The following ALK variants were observed in gnomAD, a reference collection of about 807,000 sequenced individuals.
ALK encodes the protein ALK tyrosine kinase receptor.
Under a neutral mutation model 163.1 loss-of-function variants are expected in ALK, and 74 were observed. The ratio of observed to expected loss-of-function variants is 0.45; its 90% CI spans 0.38 to 0.55. The LOEUF (loss-of-function observed/expected upper bound fraction) is 0.55. Among genes scored for constraint, ALK ranks in the 20% least tolerant of loss-of-function variants. ALK has a pLI of 0.00. For synonymous variants in ALK, 960 were observed against 843.2 expected (o/e 1.14, Z -2.40); for missense variants, 2,063 against 2,105.3 (o/e 0.98, Z 0.39).
intron 1 of ALK, among the ~76,000 whole-genome samples, chr2:29,829,894 T>C (rs1405863401): frequency 1.3e-5 from 2 of 152,348 alleles, no homozygotes; most frequent in East Asian, 3.9e-4. Context: ...GCAAACCCTA[T>C]GGGCTGTTGG....
At chr2:29,780,109 A>G (rs939183899) in intron 1 of ALK, among the ~76,000 whole-genome samples, 15 of 152,224 alleles carry the variant, frequency 9.9e-5, no homozygotes, top group African/African-American at 3.6e-4. Context: ...CGCAGACTGA[A>G]GATTATCAAT....
chr2:29,810,176 C>T (rs974170171), intron 1 of ALK, among the ~76,000 whole-genome samples: 2 of 152,106 alleles, frequency 1.3e-5, no homozygotes, highest in Non-Finnish European at 2.9e-5. Context: ...AATCCCAGCA[C>T]TTTGGGAGGC....
At chr2:29,703,403 G>A (rs532868269) in intron 2 of ALK, among the ~76,000 whole-genome samples, 19 of 152,318 alleles carry the variant, frequency 1.2e-4, no homozygotes, top group Middle Eastern at 3.4e-3. Flanking sequence ...CACAGGAATA[G>A]AGCACAAGAC....
At chr2:29,876,754 T>C (rs535721392) in intron 1 of ALK, among the ~76,000 whole-genome samples, 42 of 151,880 alleles carry the variant, frequency 2.8e-4, no homozygotes, top group African/African-American at 8.9e-4. Context: ...ATGATGATGG[T>C]GGTGATGGTG....
intron 4 of ALK, among the ~76,000 whole-genome samples, chr2:29,507,373 T>A (rs1440890187): frequency 6.6e-6 from 1 of 151,856 alleles, no homozygotes; most frequent in Non-Finnish European, 1.5e-5. Flanking sequence ...GGGTTGGAGG[T>A]AGGGGGAAGT....
chr2:29,695,459 T>G (rs1204669510), intron 2 of ALK, among the ~76,000 whole-genome samples: 2 of 152,162 alleles, frequency 1.3e-5, no homozygotes, highest in Non-Finnish European at 2.9e-5. Flanking sequence ...CACCTGTACA[T>G]TAGGCTGATA....
intron 8 of ALK, 22 bp from the exon 9 acceptor site, chr2:29,297,079 G>A: frequency 6.2e-7 from 1 of 1,614,138 alleles, no homozygotes. Context: ...AGAAGAGTCA[G>A]AGGACAAGGT....
chr2:29,750,785 C>T (rs1680343816), intron 1 of ALK, among the ~76,000 whole-genome samples: 1 of 151,140 alleles, frequency 6.6e-6, no homozygotes, highest in Admixed American at 6.6e-5. Context: ...ATGACAGAGG[C>T]CGGGCGTGGT....
chr2:29,677,129 G>C (rs1238314417), intron 3 of ALK, among the ~76,000 whole-genome samples: 1 of 150,726 alleles, frequency 6.6e-6, no homozygotes, highest in African/African-American at 2.4e-5. Context: ...TATGTTTTTA[G>C]TTCCCTCCCT....
At chr2:29,545,716 C>T (rs138340768) in intron 3 of ALK, among the ~76,000 whole-genome samples, 15 of 152,266 alleles carry the variant, frequency 9.9e-5, no homozygotes, top group African/African-American at 3.1e-4. Flanking sequence ...ACATGTATTG[C>T]TTTTCTGCAC....
intron 4 of ALK, among the ~76,000 whole-genome samples, chr2:29,447,733 C>T (rs1392499990): frequency 6.6e-6 from 1 of 152,194 alleles, no homozygotes; most frequent in African/African-American, 2.4e-5. Context: ...ATGGCACAGG[C>T]CCTCCAGGTA....
intron 3 of ALK, among the ~76,000 whole-genome samples, chr2:29,634,603 A>G (rs1219707457): frequency 6.6e-6 from 1 of 152,214 alleles, no homozygotes; most frequent in Admixed American, 6.5e-5. Flanking sequence ...CCAGAAAAGT[A>G]GATAGGGAGA....
At chr2:29,909,098 T>C (rs1667629007) in intron 1 of ALK, among the ~76,000 whole-genome samples, 1 of 152,210 alleles carries the variant, frequency 6.6e-6, no homozygotes, top group Non-Finnish European at 1.5e-5. Context: ...CAAGCTAGTA[T>C]GACCTAGATC....
chr2:29,354,466 G>A (rs1668193548), intron 5 of ALK, among the ~76,000 whole-genome samples: 1 of 152,180 alleles, frequency 6.6e-6, no homozygotes, highest in Non-Finnish European at 1.5e-5. Flanking sequence ...CTGGGGCCAA[G>A]GCAGCCCTTC....
chr2:29,888,264 A>ATTTTTTTTTTTTTTTT (rs1401782243), intron 1 of ALK, among the ~76,000 whole-genome samples: 1 of 142,288 alleles, frequency 7.0e-6, no homozygotes, highest in African/African-American at 2.7e-5. Context: ...TTTTTTTTAA[A>ATTTTTTTTTTTTTTTT]AAAAGGGAAA....
intron 4 of ALK, among the ~76,000 whole-genome samples, chr2:29,417,747 G>T (rs559871755): frequency 1.3e-5 from 2 of 152,252 alleles, no homozygotes; most frequent in Admixed American, 1.3e-4. Context: ...ACTTCCTCAG[G>T]GCTATCCCAT....
At chr2:29,383,973 T>A in intron 4 of ALK, 114 bp from the exon 5 acceptor site, 1 of 1,344,286 alleles carries the variant, frequency 7.4e-7, no homozygotes, top group Non-Finnish European at 1.1e-6. Flanking sequence ...ACATTCTTCA[T>A]GGGCACCAAG....
intron 1 of ALK, among the ~76,000 whole-genome samples, chr2:29,885,717 C>T (rs1048348271): frequency 6.6e-6 from 1 of 152,068 alleles, no homozygotes; most frequent in African/African-American, 2.4e-5. Flanking sequence ...GAGGAAGACA[C>T]AGAAGAAGCA....
At chr2:29,476,062 G>T (rs994122751) in intron 4 of ALK, among the ~76,000 whole-genome samples, 1 of 152,210 alleles carries the variant, frequency 6.6e-6, no homozygotes. Context: ...GCCTATGGGC[G>T]GGAGTGGTCA....
Sources: gnomAD v4.1 joint callset for allele counts (sites outside exome capture counted in the v4.1 genomes callset) on GRCh38, gnomAD v4.1.1 for gene constraint, MANE v1.5 for transcripts, NCBI Gene and HGNC (gene_info 2026-07-23, HGNC 2026-07-21) for gene names.